The following FGF1 variants were observed in gnomAD, a reference collection of about 807,000 sequenced individuals.
The protein encoded by FGF1 is beta-endothelial cell growth factor.
A neutral mutation model predicts 13.4 loss-of-function variants in FGF1; 9 were observed. That is an observed-to-expected ratio of 0.67 (90% CI 0.40 to 1.17). FGF1 has a LOEUF of 1.17. Among genes scored for constraint, FGF1 ranks in the 50% most tolerant of loss-of-function variants. The probability of loss-of-function intolerance (pLI) is 0.01; values close to 1 mark genes in which losing one functional copy is unlikely to be tolerated. For synonymous variants in FGF1, 93 were observed against 79.0 expected, an observed-to-expected ratio of 1.18 and a Z score of -0.94; for missense variants, 156 against 192.7, an observed-to-expected ratio of 0.81 and a Z score of 1.13.
At chr5:142,654,305 A>T (rs1767776637) in intron 1 of FGF1, among the ~76,000 whole-genome samples, 1 of 152,206 alleles carries the variant, frequency 6.6e-6, no homozygotes, top group Admixed American at 6.5e-5. Context: ...GGGCACATGA[A>T]ATTTGGGGAC....
chr5:142,655,418 C>G (rs1056599218), intron 1 of FGF1, among the ~76,000 whole-genome samples: 1 of 152,172 alleles, frequency 6.6e-6, no homozygotes, highest in Admixed American at 6.5e-5. Context: ...TGAGGCTGAC[C>G]TAAGGTTCTG....
At chr5:142,603,351 T>C (rs1756987542) in intron 2 of FGF1, among the ~76,000 whole-genome samples, 2 of 152,162 alleles carry the variant, frequency 1.3e-5, no homozygotes, top group Admixed American at 1.3e-4. Flanking sequence ...TGTGACACTC[T>C]GCGCACGGGG....
chr5:142,658,402 C>T (rs1768558826), intron 1 of FGF1, among the ~76,000 whole-genome samples: 1 of 152,232 alleles, frequency 6.6e-6, no homozygotes, highest in South Asian at 2.1e-4. Flanking sequence ...GATCACATTT[C>T]CTGTTATTTC....
In FGF1 at chr5:142,602,352, T is replaced by G. The variant is rs17217331; in HGVS notation, c.170-1547A>C. ...CCACCATGCCCGGCTAATTTTGGTATTTTTAGTAGAGATGGGGTTTCACCA... is the reference window on the plus strand; with the variant it reads ...CCACCATGCCCGGCTAATTTTGGTAGTTTTAGTAGAGATGGGGTTTCACCA... On this transcript the variant is annotated intron_variant, in intron 2 of 3. Coordinates refer to ENST00000337706, the MANE Select transcript of FGF1 (RefSeq NM_000800.5). 2.7e-3 allele frequency among the ~76,000 whole-genome samples: 418 copies of G among 152,102 alleles called. 17 individuals carry two copies. In the East Asian group the frequency reaches 0.07, roughly 25 times the overall value.
intron 1 of FGF1, among the ~76,000 whole-genome samples, chr5:142,642,142 T>C (rs1380073653): frequency 6.6e-6 from 1 of 152,202 alleles, no homozygotes; most frequent in Non-Finnish European, 1.5e-5. Context: ...CAATAGGGCA[T>C]CCACCACTGT....
chr5:142,628,986 C>T (rs1762898357), intron 1 of FGF1, among the ~76,000 whole-genome samples: 1 of 152,064 alleles, frequency 6.6e-6, no homozygotes, highest in Admixed American at 6.6e-5. Flanking sequence ...TTTAGATAGG[C>T]CCCTGGGGTG....
At chr5:142,628,326 T>C (rs1762795383) in intron 1 of FGF1, among the ~76,000 whole-genome samples, 1 of 151,998 alleles carries the variant, frequency 6.6e-6, no homozygotes, top group Non-Finnish European at 1.5e-5. Flanking sequence ...CTGACCAACA[T>C]GATGAAACCC....
intron 1 of FGF1, among the ~76,000 whole-genome samples, chr5:142,625,891 AT>A (rs1762371369): frequency 6.6e-6 from 1 of 152,192 alleles, no homozygotes. Context: ...TGTTGGCTGC[AT>A]CTTTTTTTTC....
At chr5:142,657,080 G>A (rs1429467239) in intron 1 of FGF1, among the ~76,000 whole-genome samples, 1 of 151,984 alleles carries the variant, frequency 6.6e-6, no homozygotes, top group East Asian at 1.9e-4. Flanking sequence ...ACCACGCCCA[G>A]CTAATTTTGT....
chr5:142,608,055 C>T (rs1162135747), intron 2 of FGF1, among the ~76,000 whole-genome samples: 1 of 152,186 alleles, frequency 6.6e-6, no homozygotes, highest in Non-Finnish European at 1.5e-5. Context: ...GGTTATGATC[C>T]TGCCAGTGCC....
chr5:142,667,639 T>C (rs1770669473), intron 1 of FGF1, among the ~76,000 whole-genome samples: 1 of 151,840 alleles, frequency 6.6e-6, no homozygotes, highest in Admixed American at 6.6e-5. Flanking sequence ...CGCCGGCTTT[T>C]AGTCCCTCGC....
chr5:142,649,500 G>A (rs369236506), intron 1 of FGF1, among the ~76,000 whole-genome samples: 14 of 151,796 alleles, frequency 9.2e-5, no homozygotes, highest in African/African-American at 2.2e-4. Context: ...TCTGCCTCCC[G>A]GGTTCACGCC....
intron 1 of FGF1, among the ~76,000 whole-genome samples, chr5:142,615,612 C>T (rs1760074199): frequency 6.6e-6 from 1 of 152,178 alleles, no homozygotes; most frequent in Admixed American, 6.5e-5. Flanking sequence ...TCATCACCCT[C>T]ATCATTAACG....
At chr5:142,671,693 G>A (rs1771488987) in intron 1 of FGF1, 1 of 152,232 alleles carries the variant, frequency 6.6e-6, no homozygotes, top group Non-Finnish European at 1.5e-5. Flanking sequence ...AGAGTAGGAT[G>A]GGAGGGAGTT....
At chr5:142,695,590 A>C (rs1752982830) in intron 2 of FGF1, among the ~76,000 whole-genome samples, 1 of 151,238 alleles carries the variant, frequency 6.6e-6, no homozygotes. Context: ...TCAAAAAGAA[A>C]AAAAAAAAAA....
intron 1 of FGF1, among the ~76,000 whole-genome samples, chr5:142,669,649 C>T (rs1771073086): frequency 6.6e-6 from 1 of 152,060 alleles, no homozygotes; most frequent in Non-Finnish European, 1.5e-5. Context: ...ACGACTGCTG[C>T]ACTCGCTGTG....
intron 1 of FGF1, among the ~76,000 whole-genome samples, chr5:142,675,505 T>C (rs1772378095): frequency 6.6e-6 from 1 of 152,136 alleles, no homozygotes; most frequent in Non-Finnish European, 1.5e-5. Context: ...ACTGGGTTTT[T>C]CCATATCCAC....
intron 1 of FGF1, among the ~76,000 whole-genome samples, chr5:142,639,091 C>T (rs1251821195): frequency 6.6e-6 from 1 of 151,958 alleles, no homozygotes; most frequent in African/African-American, 2.4e-5. Context: ...TTGGTACAGC[C>T]ATTATGGAAA....
At chr5:142,656,586 A>T (rs1768215009) in intron 1 of FGF1, among the ~76,000 whole-genome samples, 1 of 152,254 alleles carries the variant, frequency 6.6e-6, no homozygotes, top group Non-Finnish European at 1.5e-5. Flanking sequence ...ACATCAATGC[A>T]TGAAATTCAC....
Sources: gnomAD v4.1 joint callset for allele counts (sites outside exome capture counted in the v4.1 genomes callset) on GRCh38, gnomAD v4.1.1 for gene constraint, MANE v1.5 for transcripts, NCBI Gene and HGNC (gene_info 2026-07-23, HGNC 2026-07-21) for gene names.